Variants in FBXO34 observed in about 807,000 individuals in gnomAD.
FBXO34 encodes F-box only protein 34.
In FBXO34, 12 loss-of-function variants were observed where a neutral mutation model predicts 24.5. The ratio of observed to expected loss-of-function variants is 0.49; its 90% confidence interval spans 0.31 to 0.79. FBXO34 has a LOEUF of 0.79. Among genes scored for constraint, FBXO34 ranks in the 30% least tolerant of loss-of-function variants. FBXO34 has a pLI of 0.04. For synonymous variants in FBXO34, 320 were observed against 311.9 expected (o/e 1.03, Z -0.27); for missense variants, 823 against 857.7 (o/e 0.96, Z 0.51).
At chr14:55,307,001 C>T (rs761241797) in intron 1 of FBXO34, among the ~76,000 whole-genome samples, 1 of 152,136 alleles carries the variant, frequency 6.6e-6, no homozygotes, top group Non-Finnish European at 1.5e-5. Context: ...TAGCTAATTC[C>T]GAGATTGTTT....
At chr14:55,377,847 C>A in the FBXO34 span, 1 of 1,600,092 alleles carries the variant, frequency 6.2e-7, no homozygotes, top group Non-Finnish European at 8.5e-7. Context: ...CTTGGACTGA[C>A]CAGGTACATT....
chr14:55,323,749 A>G (rs1188104290), intron 1 of FBXO34, among the ~76,000 whole-genome samples: 1 of 152,198 alleles, frequency 6.6e-6, no homozygotes, highest in Non-Finnish European at 1.5e-5. Flanking sequence ...AATTTATTCA[A>G]ACATCTTGCA....
chr14:55,332,883 C>T (rs1883647002), intron 1 of FBXO34, among the ~76,000 whole-genome samples: 1 of 152,132 alleles, frequency 6.6e-6, no homozygotes, highest in Non-Finnish European at 1.5e-5. Context: ...GACATGAGAG[C>T]CACTAGCGGA....
chr14:55,334,662 G>A (rs951743785), intron 1 of FBXO34, among the ~76,000 whole-genome samples: 1 of 152,142 alleles, frequency 6.6e-6, no homozygotes, highest in Non-Finnish European at 1.5e-5. Context: ...AAATTGACAG[G>A]ATCAGGCCAC....
chr14:55,385,838 C>G, the FBXO34 span: 1 of 1,573,232 alleles, frequency 6.4e-7, no homozygotes, highest in Admixed American at 1.8e-5. Flanking sequence ...TTCCTGGAGT[C>G]AAAAGACTTG....
the FBXO34 span, among the ~76,000 whole-genome samples, chr14:55,410,939 G>A: frequency 6.6e-6 from 1 of 152,094 alleles, no homozygotes; most frequent in Non-Finnish European, 1.5e-5. Flanking sequence ...ATTTCGAAAT[G>A]AAACCAAAAC....
chr14:55,364,464 G>A (rs181853541), downstream of FBXO34, among the ~76,000 whole-genome samples: 100 of 152,024 alleles, frequency 6.6e-4, no homozygotes, highest in Non-Finnish European at 2.1e-4. Context: ...AGTCTTTGTC[G>A]CCCAGGCTGG....
intron 1 of FBXO34, among the ~76,000 whole-genome samples, chr14:55,321,294 T>C (rs1171232970): frequency 6.6e-6 from 1 of 152,160 alleles, no homozygotes; most frequent in Non-Finnish European, 1.5e-5. Flanking sequence ...GCACGTGCTT[T>C]ACACATCCCA....
At chr14:55,335,970 A>G (rs1172445226) in intron 1 of FBXO34, among the ~76,000 whole-genome samples, 1 of 152,166 alleles carries the variant, frequency 6.6e-6, no homozygotes, top group Non-Finnish European at 1.5e-5. Flanking sequence ...TATTTTTGTT[A>G]TAAAAGGATT....
chr14:55,324,697 A>G (rs1883282800), intron 1 of FBXO34, among the ~76,000 whole-genome samples: 1 of 152,010 alleles, frequency 6.6e-6, no homozygotes, highest in South Asian at 2.1e-4. Context: ...CATTGTGTGT[A>G]TGCTATTTTC....
chr14:55,332,662 A>T (rs1321148384), intron 1 of FBXO34, among the ~76,000 whole-genome samples: 1 of 152,172 alleles, frequency 6.6e-6, no homozygotes, highest in Non-Finnish European at 1.5e-5. Flanking sequence ...AACTTGGTGT[A>T]CCTCATTATT....
Position 55,350,898 on chromosome 14 carries a change from G to A in FBXO34, c.508G>A (p.Val170Ile), listed in dbSNP as rs545410252. The A allele has an allele frequency of 3.5e-5, 56 of 1,608,742 alleles. No homozygotes were observed. In the Middle Eastern group the frequency reaches 5.0e-4, roughly 14 times the overall value. The part of the protein sequence containing the change: ...AKVQVERMRE[V>I]NSRCYQPEPF... ...GGTACAGGTGGAAAGGATGAGGGAG[G>A]TTAACAGCAGGTGCTACCAACCTGA... Residue 170 changes from valine (V) to isoleucine (I), a missense_variant, in exon 2 of 2, where the codon GTT becomes ATT. Around this residue, in one of 2 missense-constraint regions of FBXO34, gnomAD observed 693 missense variants for 659.1 expected, o/e 1.05. Transcript: ENST00000313833.
chr14:55,328,752 C>T (rs1367446947), intron 1 of FBXO34, among the ~76,000 whole-genome samples: 2 of 152,082 alleles, frequency 1.3e-5, no homozygotes, highest in Admixed American at 6.5e-5. Flanking sequence ...GAGATCCAGT[C>T]GGGGTATTCA....
chr14:55,271,703 A>T (rs1484631438), intron 1 of FBXO34, among the ~76,000 whole-genome samples, 166 bp downstream of exon 1: 3 of 150,022 alleles, frequency 2.0e-5, no homozygotes, highest in African/African-American at 7.3e-5. Context: ...CGGGGTAGGG[A>T]CCCGGCCGCC....
chr14:55,286,233 A>C (rs766945845), intron 1 of FBXO34, among the ~76,000 whole-genome samples: 11 of 152,228 alleles, frequency 7.2e-5, no homozygotes, highest in Non-Finnish European at 1.5e-4. Flanking sequence ...TATTAAAGTA[A>C]GAGTGATATT....
chr14:55,364,576 C>G (rs1184503414), downstream of FBXO34, among the ~76,000 whole-genome samples: 28 of 151,822 alleles, frequency 1.8e-4, 1 homozygote, highest in Admixed American at 1.8e-3. Flanking sequence ...AGGCATGCAC[C>G]ACGACACCTG....
the FBXO34 span, among the ~76,000 whole-genome samples, chr14:55,426,713 TAAAAA>T: frequency 2.5e-4 from 37 of 145,846 alleles, 4 homozygotes; most frequent in Admixed American, 1.4e-3. Context: ...CTGGCCAGAT[TAAAAA>T]AAAAAAAAGA....
chr14:55,362,544 A>G (rs901896057), downstream of FBXO34, among the ~76,000 whole-genome samples: 5 of 152,162 alleles, frequency 3.3e-5, no homozygotes, highest in African/African-American at 9.7e-5. Context: ...TGTATAAAGG[A>G]AAAAAAGAAT....
chr14:55,393,208 C>T, the FBXO34 span, among the ~76,000 whole-genome samples: 117 of 141,684 alleles, frequency 8.3e-4, no homozygotes, highest in African/African-American at 1.9e-3. Context: ...GGTGAAACCC[C>T]GTCTCTACTA....
Sources: allele counts gnomAD v4.1 joint callset (sites outside exome capture counted in the v4.1 genomes callset), GRCh38; gene constraint gnomAD v4.1.1; regional missense constraint gnomAD v4.1.1; transcripts MANE v1.5; gene names NCBI Gene and HGNC (gene_info 2026-07-23, HGNC 2026-07-21).